Variants in UHRF2 observed in about 807,000 individuals in gnomAD.
UHRF2 encodes the protein ubiquitin like with PHD and ring finger domains 2.
Under a neutral mutation model 96.8 loss-of-function variants are expected in UHRF2, and 23 were observed. The ratio of observed to expected loss-of-function variants is 0.24; its 90% confidence interval spans 0.17 to 0.34. The LOEUF is 0.34. Ranked by LOEUF, UHRF2 falls within the 10% of genes least tolerant of loss-of-function variation. UHRF2 has a pLI of 1.00. For synonymous variants in UHRF2, 385 were observed against 332.6 expected, an observed-to-expected ratio of 1.16 and a Z score of -1.72; for missense variants, 685 against 981.5, an observed-to-expected ratio of 0.70 and a Z score of 4.04.
At chr9:6,504,397 CAT>C (rs1483151442) in intron 14 of UHRF2, 194 bp from the exon 15 acceptor site, 1 of 387,004 alleles carries the variant, frequency 2.6e-6, no homozygotes, top group East Asian at 4.2e-5. Context: ...TTTTGGGATA[CAT>C]GTGAAATTTT....
intron 6 of UHRF2, among the ~76,000 whole-genome samples, chr9:6,481,409 G>A (rs1001704571): frequency 2.0e-5 from 3 of 152,100 alleles, no homozygotes; most frequent in East Asian, 3.8e-4. Context: ...TTTGAGTTTT[G>A]AACTGAATTT....
Position 6,475,424 on chromosome 9 carries a change from A to C in UHRF2, c.897A>C (p.Ile299=), listed in dbSNP as rs41281761. Residue 299 remains isoleucine, a synonymous_variant, in exon 5 of 16, where the codon ATA becomes ATC. Transcript: ENST00000276893. ...GSEGTLNDCK[I]ISVDEIFKIE... ...AAGGAACATTAAATGACTGCAAGAT[A>C]ATATCTGTAGATGAAATCTTCAAGA... 10,424 of 1,581,658 alleles carry C rather than the reference A, an allele frequency of 6.6e-3. 55 individuals are homozygous for C. The highest frequency in any genetic ancestry group is 8.1e-3 in the Non-Finnish European group (9,390 of 1,163,386).
At chr9:6,422,425 C>T (rs950781967) in intron 2 of UHRF2, among the ~76,000 whole-genome samples, 4 of 152,044 alleles carry the variant, frequency 2.6e-5, no homozygotes, top group Non-Finnish European at 5.9e-5. Context: ...TTTCTTTCCT[C>T]TTTCAGGGTC....
intron 10 of UHRF2, 50 bp from the exon 11 acceptor site, chr9:6,497,148 G>A (rs757598170): frequency 1.2e-5 from 19 of 1,562,978 alleles, no homozygotes; most frequent in East Asian, 9.0e-5. Context: ...ACTCGATTGT[G>A]TACTTGAAGA....
At chr9:6,460,078 AAG>A (rs1199698876) in intron 3 of UHRF2, among the ~76,000 whole-genome samples, 1 of 152,258 alleles carries the variant, frequency 6.6e-6, no homozygotes, top group African/African-American at 2.4e-5. Context: ...ACGTCTTAAT[AAG>A]ACTTTAACAA....
intron 3 of UHRF2, among the ~76,000 whole-genome samples, chr9:6,447,691 T>G (rs1418195040): frequency 6.6e-6 from 1 of 151,862 alleles, no homozygotes; most frequent in Non-Finnish European, 1.5e-5. Context: ...AAATAATAAA[T>G]CCATAAACCC....
chr9:6,486,708 C>G (rs1434192678), intron 8 of UHRF2, 113 bp from the exon 9 acceptor site: 13 of 951,034 alleles, frequency 1.4e-5, no homozygotes, highest in East Asian at 2.7e-5. Flanking sequence ...AGATAGAACT[C>G]TGTGAGACTC....
intron 2 of UHRF2, 139 bp from the exon 3 acceptor site, chr9:6,433,775 A>G: frequency 1.2e-6 from 1 of 811,030 alleles, no homozygotes; most frequent in Non-Finnish European, 1.9e-6. Flanking sequence ...GTTTTGATCT[A>G]ATCTTATTAA....
chr9:6,429,572 C>T (rs1820455405), intron 2 of UHRF2, among the ~76,000 whole-genome samples: 1 of 152,170 alleles, frequency 6.6e-6, no homozygotes, highest in Non-Finnish European at 1.5e-5. Context: ...CTCAGGTGCT[C>T]CACCTGCCTC....
At chr9:6,439,919 A>G (rs959448862) in intron 3 of UHRF2, among the ~76,000 whole-genome samples, 5 of 152,226 alleles carry the variant, frequency 3.3e-5, no homozygotes, top group African/African-American at 1.2e-4. Context: ...AATAGAGGCA[A>G]TTATAAATCA....
chr9:6,503,690 T>C (rs1816425679), intron 14 of UHRF2, among the ~76,000 whole-genome samples: 2 of 152,162 alleles, frequency 1.3e-5, no homozygotes, highest in Admixed American at 1.3e-4. Flanking sequence ...TCAAGTTTTA[T>C]AACAGCAGAA....
intron 2 of UHRF2, among the ~76,000 whole-genome samples, chr9:6,424,733 GT>G (rs1405362528): frequency 4.8e-5 from 7 of 145,256 alleles, no homozygotes; most frequent in Non-Finnish European, 1.1e-4. Flanking sequence ...ACTGTGTGTA[GT>G]TTTTAAATCT....
chr9:6,442,349 G>A (rs2130792467), intron 3 of UHRF2, among the ~76,000 whole-genome samples: 1 of 152,290 alleles, frequency 6.6e-6, no homozygotes, highest in East Asian at 1.9e-4. Context: ...GCTTTTCCTT[G>A]AAATGTTTCC....
intron 4 of UHRF2, among the ~76,000 whole-genome samples, chr9:6,468,915 A>T (rs1392086126): frequency 6.6e-6 from 1 of 152,208 alleles, no homozygotes; most frequent in East Asian, 1.9e-4. Flanking sequence ...TTATCTCTCC[A>T]GCAGTAGGAA....
At chr9:6,478,581 A>G (rs1331035510) in intron 6 of UHRF2, among the ~76,000 whole-genome samples, 1 of 152,212 alleles carries the variant, frequency 6.6e-6, no homozygotes, top group Non-Finnish European at 1.5e-5. Flanking sequence ...GACTGGGAAA[A>G]ATGTTTCCAA....
At chr9:6,481,568 A>G (rs1823928425) in intron 6 of UHRF2, 75 bp from the exon 7 acceptor site, 3 of 1,541,768 alleles carry the variant, frequency 1.9e-6, no homozygotes, top group Middle Eastern at 2.4e-4. Context: ...GCTCTTACCT[A>G]GGAAGGCTAA....
chr9:6,452,440 G>C (rs1168059491), intron 3 of UHRF2, among the ~76,000 whole-genome samples: 1 of 152,162 alleles, frequency 6.6e-6, no homozygotes, highest in African/African-American at 2.4e-5. Flanking sequence ...CCCATAGCCT[G>C]TCAACAAATT....
chr9:6,450,591 G>A (rs1027081403), intron 3 of UHRF2, among the ~76,000 whole-genome samples: 1 of 152,102 alleles, frequency 6.6e-6, no homozygotes, highest in African/African-American at 2.4e-5. Context: ...CTCAAAATTT[G>A]TTACCAGCTT....
chr9:6,477,401 C>T (rs1006096322), intron 5 of UHRF2, among the ~76,000 whole-genome samples: 4 of 151,926 alleles, frequency 2.6e-5, no homozygotes, highest in African/African-American at 9.7e-5. Flanking sequence ...TGGCACATGC[C>T]TGTAATCCCA....
Sources: allele counts gnomAD v4.1 joint callset (sites outside exome capture counted in the v4.1 genomes callset), GRCh38; gene constraint gnomAD v4.1.1; transcripts MANE v1.5; gene names NCBI Gene and HGNC (gene_info 2026-07-23, HGNC 2026-07-21).